Variants in SORL1 observed in about 807,000 individuals in gnomAD.
SORL1 encodes sortilin-related receptor.
SORL1 carries 127 observed loss-of-function variants against 273.7 expected under a neutral mutation model. That is an observed-to-expected ratio of 0.46 (90% CI 0.40 to 0.54). The LOEUF (loss-of-function observed/expected upper bound fraction) is 0.54. SORL1 is among the 20% of genes least tolerant of loss of function. The pLI is 0.00. For synonymous variants in SORL1, 1,031 were observed against 1,067.4 expected, an observed-to-expected ratio of 0.97 and a Z score of 0.66; for missense variants, 2,494 against 2,846.1, an observed-to-expected ratio of 0.88 and a Z score of 2.81.
intron 6 of SORL1, among the ~76,000 whole-genome samples, chr11:121,502,228 T>C (rs986891919): frequency 7.2e-6 from 1 of 139,122 alleles, no homozygotes; most frequent in African/African-American, 2.6e-5. Flanking sequence ...CTCCGCCTCC[T>C]GGGTTCATGC....
Position 121,607,250 on chromosome 11 carries a change from A to G in SORL1, c.5126A>G (p.Glu1709Gly). ...ASQRAASNFT[E>G]IKNLLVNTLY... is the part of the protein sequence containing the mutation. The stretch of plus-strand genomic sequence containing the variant: ...CAGAGGGCTGCTAGTAACTTTACAG[A>G]AATCAAGAACTTATTGGTCAACACT... Residue 1709 changes from glutamate (E) to glycine (G), a missense_variant, in exon 37 of 48, where the codon GAA becomes GGA. Physicochemically the swap from Glu to Gly is moderately conservative, Grantham distance 98. Transcript: ENST00000260197. 6.2e-7 allele frequency: 1 copy of G among 1,611,912 alleles called. No homozygotes were observed. Among genetic ancestry groups the G allele is most frequent in the Non-Finnish European group, 8.5e-7 (1 of 1,177,978 alleles).
At chr11:121,504,318 C>T (rs940906948) in intron 6 of SORL1, among the ~76,000 whole-genome samples, 7 of 151,876 alleles carry the variant, frequency 4.6e-5, no homozygotes, top group Non-Finnish European at 7.4e-5. Context: ...AGACTGAGGC[C>T]GAAGAATCTC....
chr11:121,566,767 C>A, intron 21 of SORL1, 173 bp from the exon 22 acceptor site: 1 of 590,924 alleles, frequency 1.7e-6, no homozygotes, highest in Non-Finnish European at 2.9e-6. Flanking sequence ...ACTGGTTATA[C>A]TGAGCAGAAG....
intron 14 of SORL1, among the ~76,000 whole-genome samples, chr11:121,547,266 T>C (rs1862440770): frequency 6.6e-6 from 1 of 150,474 alleles, no homozygotes; most frequent in South Asian, 2.1e-4. Flanking sequence ...CTATCCCCAA[T>C]ATGTACTTCA....
Position 121,477,110 on chromosome 11 carries a change from C to T in SORL1, c.403-1008C>T, listed in dbSNP as rs192232929. Among the ~76,000 whole-genome samples, 237 of 152,246 alleles carry T rather than the reference C, an allele frequency of 1.6e-3. 1 individual carries two copies. The highest frequency in any genetic ancestry group is 5.3e-3 in the African/African-American group (221 of 41,552). On this transcript the variant is annotated intron_variant, in intron 2 of 47. Transcript: ENST00000260197. ...CCTGGCCTCATTTTTCTTTAATGCT[C>T]ATCCTAATCCCCTTTTCCATGAATC...
intron 21 of SORL1, 88 bp from the exon 22 acceptor site, chr11:121,566,852 A>G: frequency 3.2e-6 from 4 of 1,250,042 alleles, no homozygotes; most frequent in Non-Finnish European, 3.3e-6. Flanking sequence ...CCGTAAGACG[A>G]GGAGGTTGCA....
intron 32 of SORL1, among the ~76,000 whole-genome samples, chr11:121,602,696 T>C (rs1170360671): frequency 2.0e-5 from 3 of 152,228 alleles, no homozygotes; most frequent in Non-Finnish European, 4.4e-5. Flanking sequence ...GCTTCCTTGC[T>C]CAGGTCACAA....
intron 37 of SORL1, among the ~76,000 whole-genome samples, chr11:121,607,717 GAAC>G (rs897251774): frequency 1.8e-4 from 27 of 152,284 alleles, no homozygotes; most frequent in African/African-American, 3.9e-4. Context: ...TAGATTTTGT[GAAC>G]AACATGTTTG....
chr11:121,599,417 G>A (rs1172899898), intron 32 of SORL1, among the ~76,000 whole-genome samples: 1 of 152,192 alleles, frequency 6.6e-6, no homozygotes, highest in Non-Finnish European at 1.5e-5. Flanking sequence ...GGCGGCGCAT[G>A]CCTGTAATCC....
chr11:121,605,666 T>C (rs2134923825), intron 35 of SORL1, 95 bp downstream of exon 35: 2 of 984,364 alleles, frequency 2.0e-6, no homozygotes, highest in Non-Finnish European at 1.6e-6. Flanking sequence ...TGGGAACATA[T>C]GTGTGCCTCA....
chr11:121,528,478 T>C (rs1165967158), intron 11 of SORL1, among the ~76,000 whole-genome samples: 1 of 152,004 alleles, frequency 6.6e-6, no homozygotes, highest in Non-Finnish European at 1.5e-5. Context: ...AAAAAACAGA[T>C]AAAATTGAGA....
intron 6 of SORL1, among the ~76,000 whole-genome samples, chr11:121,498,441 AT>A (rs1861662180): frequency 6.6e-6 from 1 of 152,162 alleles, no homozygotes; most frequent in South Asian, 2.1e-4. Context: ...TTATTGTGTG[AT>A]TTTAATTCTG....
rs1863107006 is a variant in SORL1 at position 121,586,288 on chromosome 11, G to C, written c.3773G>C (p.Gly1258Ala). Reference protein sequence around the residue: ...TCIPSSKHCDGLRDCSDGSDE... With the variant: ...TCIPSSKHCDALRDCSDGSDE... ...ATCCCATCCAGCAAACATTGTGATG[G>C]TCTGCGTGATTGCTCTGATGGCTCC... is the stretch of plus-strand genomic sequence containing the variant. Residue 1258 changes from glycine to alanine, a missense_variant, in exon 27 of 48, where the codon GGT becomes GCT. By Grantham distance (60) the Gly-to-Ala change is moderately conservative. Coordinates refer to ENST00000260197, the MANE Select transcript of SORL1 (RefSeq NM_003105.6). The C allele has an allele frequency of 6.2e-7, 1 of 1,614,040 alleles. No homozygotes were observed. Among genetic ancestry groups the C allele is most frequent in the Non-Finnish European group, 8.5e-7 (1 of 1,180,004 alleles).
In SORL1 at chr11:121,585,036, T is replaced by C. The variant is rs144322148; in HGVS notation, c.3707-1186T>C. Among the ~76,000 whole-genome samples, 348 of 152,340 alleles carry C rather than the reference T, an allele frequency of 2.3e-3. 1 individual carries two copies. Among genetic ancestry groups the C allele is most frequent in the African/African-American group, 8.2e-3 (341 of 41,572 alleles). On this transcript the variant is annotated intron_variant, in intron 26 of 47. Transcript: ENST00000260197. ...GTTGTGAAACCTCAGGCTCTTAGCA[T>C]TTCTAGGCAAACTTTCTCCAAAACA...
intron 44 of SORL1, 56 bp downstream of exon 44, chr11:121,621,294 C>G: frequency 2.7e-6 from 4 of 1,455,528 alleles, no homozygotes; most frequent in South Asian, 2.4e-5. Flanking sequence ...AGTGCTGTGC[C>G]GCTAGACCTC....
At chr11:121,518,554 C>T (rs566959811) in intron 8 of SORL1, among the ~76,000 whole-genome samples, 3 of 152,290 alleles carry the variant, frequency 2.0e-5, no homozygotes, top group East Asian at 3.9e-4. Flanking sequence ...AGTGGGATGA[C>T]AGGTTTATGA....
chr11:121,623,962 G>A (rs987584914), intron 45 of SORL1, among the ~76,000 whole-genome samples: 15 of 152,248 alleles, frequency 9.9e-5, no homozygotes, highest in African/African-American at 3.6e-4. Flanking sequence ...CTCCATCATG[G>A]TGGAAGGCAA....
In SORL1 at chr11:121,570,321, G is replaced by T. The variant is rs372860140; in HGVS notation, c.3337+51G>T. On this transcript the variant is annotated intron_variant, in intron 23 of 47. Coordinates refer to ENST00000260197, the MANE Select transcript of SORL1 (RefSeq NM_003105.6). Reference sequence around the variant, plus strand: ...GCACTTACCATTACTCAGAAGCCTGGTTGGCTCTTCCCAGGCTGAGGGCCT... The same window carrying T: ...GCACTTACCATTACTCAGAAGCCTGTTTGGCTCTTCCCAGGCTGAGGGCCT... 2.8e-6 allele frequency: 4 copies of T among 1,439,270 alleles called. No individual in the cohort carries two copies. The East Asian group carries it at 6.8e-5, about 25-fold the overall frequency. The allele number at this position is 1,439,270 out of a possible 1,614,324, so 89.2% of individuals were successfully genotyped here.
chr11:121,589,298 G>C lies in SORL1; in HGVS notation c.3986G>C (p.Gly1329Ala). Residue 1329 changes from glycine (G) to alanine (A), a missense_variant, in exon 29 of 48, where the codon GGT becomes GCT. Transcript: ENST00000260197. ...TTCCACAAGGTATGTGATGAGTTCG[G>C]TTTCCAGTGTCAGAATGGAGTGTGC... ...PEFHKVCDEFGFQCQNGVCIS... is the reference protein window; with the variant it reads ...PEFHKVCDEFAFQCQNGVCIS... The C allele has an allele frequency of 6.2e-7, 1 of 1,613,752 alleles. No individual in the cohort carries two copies.
Sources: gnomAD v4.1 joint callset for allele counts (sites outside exome capture counted in the v4.1 genomes callset) on GRCh38, gnomAD v4.1.1 for gene constraint, MANE v1.5 for transcripts, NCBI Gene and HGNC (gene_info 2026-07-23, HGNC 2026-07-21) for gene names.